Variants in BBS9 observed in about 807,000 individuals in gnomAD.
BBS9 encodes Bardet-Biedl syndrome 9.
In BBS9, 89 loss-of-function variants were observed where a neutral mutation model predicts 117.7. The ratio of observed to expected loss-of-function variants is 0.76; its 90% confidence interval spans 0.64 to 0.90. The LOEUF (loss-of-function observed/expected upper bound fraction) is 0.90, where lower values mean the gene tolerates loss of function less well. Ranked by LOEUF, BBS9 falls within the 40% of genes least tolerant of loss-of-function variation. BBS9 has a pLI of 0.00. For missense variants in BBS9, 982 were observed against 1,042.2 expected (o/e 0.94, Z 0.80); for synonymous variants, 379 against 370.9 (o/e 1.02, Z -0.25).
chr7:33,346,270 C>T (rs1817572743), intron 12 of BBS9: 2 of 470,266 alleles, frequency 4.3e-6, no homozygotes. Context: ...ATAATAAATC[C>T]TGTTAATTGA....
intron 21 of BBS9, among the ~76,000 whole-genome samples, chr7:33,543,821 C>T (rs180899547): frequency 5.9e-5 from 9 of 152,298 alleles, no homozygotes; most frequent in Admixed American, 4.6e-4. Context: ...TCTTCTTCCT[C>T]GGGTATACCG....
chr7:33,576,502 A>G (rs570842845), intron 21 of BBS9, among the ~76,000 whole-genome samples: 5 of 152,292 alleles, frequency 3.3e-5, no homozygotes, highest in South Asian at 4.1e-4. Flanking sequence ...TATAGATTCA[A>G]TGTCGTCCCC....
chr7:33,568,650 CA>C (rs1470495335), intron 21 of BBS9, among the ~76,000 whole-genome samples: 2 of 152,162 alleles, frequency 1.3e-5, no homozygotes, highest in African/African-American at 4.8e-5. Flanking sequence ...CATCATGTAT[CA>C]TATCTTCTCT....
At chr7:33,136,016 TG>T (rs1187639636) in intron 1 of BBS9, among the ~76,000 whole-genome samples, 1 of 152,086 alleles carries the variant, frequency 6.6e-6, no homozygotes. Flanking sequence ...CTTGAACTCC[TG>T]AGCTGAAGTG....
chr7:33,230,809 C>G (rs1583762331), intron 5 of BBS9, among the ~76,000 whole-genome samples: 3 of 152,266 alleles, frequency 2.0e-5, no homozygotes, highest in Middle Eastern at 6.8e-3. Flanking sequence ...TTTTCTTTAT[C>G]CACTCATTAA....
chr7:33,280,911 GTTT>G (rs150736523), intron 9 of BBS9, among the ~76,000 whole-genome samples: 1 of 79,392 alleles, frequency 1.3e-5, no homozygotes, highest in East Asian at 3.4e-4. Flanking sequence ...TGTCGTTTTT[GTTT>G]TTTTTTTTTT....
chr7:33,236,330 A>AG (rs1463556870), intron 5 of BBS9, among the ~76,000 whole-genome samples: 2 of 151,036 alleles, frequency 1.3e-5, no homozygotes, highest in Non-Finnish European at 3.0e-5. Flanking sequence ...CATCTCAAAA[A>AG]AAAAAAAAAA....
In BBS9 at chr7:33,324,487, A is replaced by G. The variant is rs189991679; in HGVS notation, c.1017-11954A>G. On this transcript the variant is annotated intron_variant, in intron 9 of 22. Coordinates refer to ENST00000242067, the MANE Select transcript of BBS9 (RefSeq NM_198428.3). ...GTTCATCTTTTAGTCTTCTTACTCAAGATAGTTTACACACCACAGTTACAG... is the reference window on the plus strand; with the variant it reads ...GTTCATCTTTTAGTCTTCTTACTCAGGATAGTTTACACACCACAGTTACAG... 2.6e-3 allele frequency among the ~76,000 whole-genome samples: 391 copies of G among 152,260 alleles called. 3 individuals are homozygous for G. The highest frequency in any genetic ancestry group is 8.9e-3 in the African/African-American group (370 of 41,548).
At chr7:33,169,767 T>G (rs1233491971) in intron 4 of BBS9, among the ~76,000 whole-genome samples, 1 of 151,776 alleles carries the variant, frequency 6.6e-6, no homozygotes, top group Admixed American at 6.6e-5. Flanking sequence ...AGGTTGCCTG[T>G]TCACTCTGAT....
intron 9 of BBS9, among the ~76,000 whole-genome samples, chr7:33,300,288 G>A (rs1393101060): frequency 6.6e-6 from 1 of 152,120 alleles, no homozygotes; most frequent in Non-Finnish European, 1.5e-5. Context: ...TCAACTGGAA[G>A]CCAGAGGGAA....
At chr7:33,361,153 G>A (rs900201631) in intron 16 of BBS9, among the ~76,000 whole-genome samples, 2 of 152,110 alleles carry the variant, frequency 1.3e-5, no homozygotes, top group Non-Finnish European at 2.9e-5. Context: ...TCCTTTAGCA[G>A]TACAAGAGGC....
chr7:33,324,085 G>A (rs1198651423), intron 9 of BBS9, among the ~76,000 whole-genome samples: 1 of 151,890 alleles, frequency 6.6e-6, no homozygotes, highest in Admixed American at 6.6e-5. Context: ...TAATCCACCT[G>A]CCTTGGGATC....
intron 19 of BBS9, among the ~76,000 whole-genome samples, chr7:33,475,946 C>T (rs1054185274): frequency 2.0e-5 from 3 of 152,096 alleles, no homozygotes; most frequent in Admixed American, 6.6e-5. Context: ...AGAATCTAAT[C>T]GCAAAATTGA....
intron 5 of BBS9, among the ~76,000 whole-genome samples, chr7:33,242,575 C>T (rs1313894524): frequency 6.6e-6 from 1 of 151,898 alleles, no homozygotes; most frequent in African/African-American, 2.4e-5. Flanking sequence ...CTTAAAAGTA[C>T]TGCTTTGAAC....
At chr7:33,451,408 T>C (rs1319010100) in intron 19 of BBS9, among the ~76,000 whole-genome samples, 5 of 152,230 alleles carry the variant, frequency 3.3e-5, no homozygotes, top group Admixed American at 1.3e-4. Context: ...CCCTCTTTTA[T>C]GTGTGGTTAT....
rs566175674 is a variant in BBS9 at position 33,347,183 on chromosome 7, A to T, written c.1330-1885A>T. Reference sequence around the variant, plus strand: ...CTGTCAAACATTTTTGTAAAGAGTAAATTAAATAATGGCACGTAAATAATT... The same window carrying T: ...CTGTCAAACATTTTTGTAAAGAGTATATTAAATAATGGCACGTAAATAATT... On this transcript the variant is annotated intron_variant, in intron 12 of 22. Coordinates refer to ENST00000242067, the MANE Select transcript of BBS9 (RefSeq NM_198428.3). Among the ~76,000 whole-genome samples, 11 of 152,292 alleles carry T rather than the reference A, an allele frequency of 7.2e-5. No homozygotes were observed. The South Asian group carries it at 2.3e-3, about 32-fold the overall frequency.
At chr7:33,345,730 C>T (rs1364382306) in intron 12 of BBS9, among the ~76,000 whole-genome samples, 1 of 152,144 alleles carries the variant, frequency 6.6e-6, no homozygotes, top group Non-Finnish European at 1.5e-5. Flanking sequence ...AAATAACTGT[C>T]GAGTTCCAGG....
chr7:33,276,328 A>G (rs532530449), intron 9 of BBS9, among the ~76,000 whole-genome samples: 3 of 152,346 alleles, frequency 2.0e-5, no homozygotes, highest in African/African-American at 7.2e-5. Flanking sequence ...AATACCTTTT[A>G]TCATAGTCAC....
intron 3 of BBS9, among the ~76,000 whole-genome samples, chr7:33,154,272 A>C (rs1045521905): frequency 9.2e-5 from 14 of 152,190 alleles, no homozygotes; most frequent in African/African-American, 3.1e-4. Context: ...ATGTTATCTA[A>C]TAAGATTCTT....
Sources: gnomAD v4.1 joint callset for allele counts (sites outside exome capture counted in the v4.1 genomes callset) on GRCh38, gnomAD v4.1.1 for gene constraint, MANE v1.5 for transcripts, NCBI Gene and HGNC (gene_info 2026-07-23, HGNC 2026-07-21) for gene names.